The following LUZP2 variants were observed in gnomAD, a reference collection of about 807,000 sequenced individuals.
LUZP2 encodes the protein leucine zipper protein 2.
In LUZP2, 52 loss-of-function variants were observed where a neutral mutation model predicts 51.6. The observed-to-expected ratio is 1.01, with a 90% CI of 0.81 to 1.27. The LOEUF is 1.27. Ranked by LOEUF, LUZP2 falls within the 50% of genes most tolerant of loss-of-function variation. LUZP2 has a pLI of 0.00. For missense variants in LUZP2, 436 were observed against 395.4 expected, an observed-to-expected ratio of 1.10 and a Z score of -0.87; for synonymous variants, 154 against 137.3, an observed-to-expected ratio of 1.12 and a Z score of -0.85.
intron 7 of LUZP2, among the ~76,000 whole-genome samples, chr11:24,952,220 A>G (rs1294272367): frequency 6.6e-6 from 1 of 151,652 alleles, no homozygotes; most frequent in African/African-American, 2.4e-5. Context: ...TCCACCATCT[A>G]TGTATCGTGA....
At chr11:24,728,259 T>G (rs1326475342) in intron 1 of LUZP2, among the ~76,000 whole-genome samples, 1 of 151,956 alleles carries the variant, frequency 6.6e-6, no homozygotes, top group Non-Finnish European at 1.5e-5. Context: ...GCATCATTAG[T>G]AAATAGCTCC....
chr11:24,620,311 A>T (rs1383595724), intron 1 of LUZP2, among the ~76,000 whole-genome samples: 1 of 152,210 alleles, frequency 6.6e-6, no homozygotes, highest in African/African-American at 2.4e-5. Flanking sequence ...CTTTTATTTT[A>T]AAATGTTATG....
At chr11:24,876,122 T>C (rs11028240) in intron 5 of LUZP2, among the ~76,000 whole-genome samples, 62,825 of 151,162 alleles carry the variant, frequency 0.42, 13,768 homozygotes, top group Non-Finnish European at 0.49. Context: ...ATCCCATTTG[T>C]CAATTTTGGC....
chr11:24,697,842 G>T (rs1448930847), intron 1 of LUZP2, among the ~76,000 whole-genome samples: 3 of 152,130 alleles, frequency 2.0e-5, no homozygotes, highest in Admixed American at 2.0e-4. Flanking sequence ...GGTTGGTCTT[G>T]AGATATTTTT....
chr11:24,613,897 C>A (rs4923196), intron 1 of LUZP2, among the ~76,000 whole-genome samples: 53,176 of 151,590 alleles, frequency 0.35, 9,426 homozygotes, highest in Middle Eastern at 0.43. Flanking sequence ...TTAAATATCC[C>A]ATGAAAACAT....
At chr11:24,808,784 C>T (rs1849929956) in intron 5 of LUZP2, among the ~76,000 whole-genome samples, 2 of 152,010 alleles carry the variant, frequency 1.3e-5, no homozygotes, top group Admixed American at 1.3e-4. Flanking sequence ...GCTATCAACT[C>T]TAAAATTAGG....
intron 5 of LUZP2, among the ~76,000 whole-genome samples, chr11:24,900,723 A>G (rs1257296277): frequency 6.6e-6 from 1 of 152,140 alleles, no homozygotes; most frequent in East Asian, 1.9e-4. Flanking sequence ...CCGAGCTGTA[A>G]CCAGAGGAGC....
chr11:25,021,239 CAG>C (rs200706141), intron 9 of LUZP2, among the ~76,000 whole-genome samples: 2,280 of 151,752 alleles, frequency 0.015, 35 homozygotes, highest in Non-Finnish European at 0.019. Flanking sequence ...AGCATTCTCT[CAG>C]AGACTTATTA....
intron 1 of LUZP2, among the ~76,000 whole-genome samples, chr11:24,579,255 ATTAAT>A (rs1473917992): frequency 6.6e-6 from 1 of 152,094 alleles, no homozygotes; most frequent in African/African-American, 2.4e-5. Flanking sequence ...TGTATTTGCA[ATTAAT>A]TTAAACAATT....
chr11:24,697,195 A>T (rs968591845), intron 1 of LUZP2, among the ~76,000 whole-genome samples: 4 of 152,194 alleles, frequency 2.6e-5, no homozygotes, highest in South Asian at 2.1e-4. Context: ...AAAGAAATTA[A>T]CCAGGCTACT....
intron 5 of LUZP2, among the ~76,000 whole-genome samples, chr11:24,798,910 G>T (rs1849618558): frequency 6.6e-6 from 1 of 152,120 alleles, no homozygotes; most frequent in Non-Finnish European, 1.5e-5. Context: ...CACATAGTTA[G>T]ATTTATTTTG....
intron 1 of LUZP2, among the ~76,000 whole-genome samples, chr11:24,526,267 A>AG (rs1470759519): frequency 2.0e-5 from 1 of 50,872 alleles, no homozygotes; most frequent in Non-Finnish European, 5.4e-5. Flanking sequence ...CTAGGGGGCA[A>AG]AAAAAAAAAA....
intron 7 of LUZP2, among the ~76,000 whole-genome samples, chr11:24,931,239 TAAAATAAA>T (rs1854441266): frequency 6.7e-6 from 1 of 149,172 alleles, no homozygotes; most frequent in East Asian, 2.0e-4. Flanking sequence ...TAAAATAAAA[TAAAATAAA>T]ATAAAATAAA....
chr11:24,716,369 A>G (rs1040328004), intron 1 of LUZP2, among the ~76,000 whole-genome samples: 3 of 152,222 alleles, frequency 2.0e-5, no homozygotes, highest in African/African-American at 7.2e-5. Context: ...AAAAACAAAA[A>G]CAATGCAAAT....
rs1565273218 is a variant in LUZP2 at position 25,044,060 on chromosome 11, G to GTCTATATATATCTGATATATATAT, written c.766-5978_766-5977insTCTATATATATCTGATATATATAT. On this transcript the variant is annotated intron_variant, in intron 9 of 11. Transcript: ENST00000336930. ...TCTATATATATATCTGATATATATA[G>GTCTATATATATCTGATATATATAT]AGTCTATATATATCTGATAAGACTA... Among the ~76,000 whole-genome samples the GTCTATATATATCTGATATATATAT allele has an allele frequency of 1.2e-4, 12 of 102,300 alleles. No homozygotes were observed. The East Asian group carries it at 3.0e-3, about 26-fold the overall frequency. 67.1% of individuals were successfully genotyped at this position (102,300 alleles called of 152,430 possible).
intron 1 of LUZP2, among the ~76,000 whole-genome samples, chr11:24,605,833 G>A (rs1853898368): frequency 2.0e-5 from 3 of 151,638 alleles, no homozygotes; most frequent in Non-Finnish European, 3.0e-5. Context: ...AACTTCAATT[G>A]TGTGCCCTTT....
intron 5 of LUZP2, among the ~76,000 whole-genome samples, chr11:24,833,582 C>T (rs1402114290): frequency 6.6e-6 from 1 of 152,082 alleles, no homozygotes; most frequent in Admixed American, 6.6e-5. Flanking sequence ...ATTATCAGGT[C>T]AAATTTTATT....
intron 1 of LUZP2, among the ~76,000 whole-genome samples, chr11:24,569,738 G>A (rs11028025): frequency 6.6e-6 from 1 of 151,650 alleles, no homozygotes; most frequent in South Asian, 2.1e-4. Context: ...TTAGAATGTA[G>A]CTTATAAACA....
chr11:24,755,580 C>T (rs901463777), intron 4 of LUZP2, among the ~76,000 whole-genome samples: 3 of 152,124 alleles, frequency 2.0e-5, no homozygotes, highest in African/African-American at 2.4e-5. Flanking sequence ...TCTAAGCCTC[C>T]GGATGGATTG....
Sources: gnomAD v4.1 joint callset for allele counts (sites outside exome capture counted in the v4.1 genomes callset) on GRCh38, gnomAD v4.1.1 for gene constraint, MANE v1.5 for transcripts, NCBI Gene and HGNC (gene_info 2026-07-23, HGNC 2026-07-21) for gene names.